The following WDR25 variants were observed in gnomAD, a reference collection of about 807,000 sequenced individuals.
The protein encoded by WDR25 is WD repeat-containing protein 25.
WDR25 carries 35 observed loss-of-function variants against 47.7 expected under a neutral mutation model. That is an observed-to-expected ratio of 0.73 (90% CI 0.56 to 0.97). The LOEUF is 0.97. WDR25 is among the 50% of genes least tolerant of loss of function. The pLI is 0.00. For missense variants in WDR25, 634 were observed against 704.7 expected, an observed-to-expected ratio of 0.90 and a Z score of 1.14; for synonymous variants, 248 against 278.9, an observed-to-expected ratio of 0.89 and a Z score of 1.10.
intron 2 of WDR25, among the ~76,000 whole-genome samples, chr14:100,454,055 A>G (rs879765241): frequency 1.3e-4 from 20 of 152,224 alleles, no homozygotes; most frequent in Non-Finnish European, 2.6e-4. Context: ...GTGTAAAATG[A>G]AAATGCTGCT....
chr14:100,475,151 G>A (rs559788401), intron 3 of WDR25, among the ~76,000 whole-genome samples: 2 of 152,336 alleles, frequency 1.3e-5, no homozygotes, highest in Admixed American at 1.3e-4. Context: ...AAGTATTGGT[G>A]AGGATGTGGA....
Position 100,381,505 on chromosome 14 carries a change from G to C in WDR25, c.581G>C (p.Gly194Ala), listed in dbSNP as rs577465168. 1.2e-6 allele frequency: 2 copies of C among 1,614,156 alleles called. No homozygotes were observed. Among genetic ancestry groups the C allele is most frequent in the East Asian group, 4.5e-5 (2 of 44,868 alleles). Residue 194 changes from glycine to alanine, a missense_variant, in exon 2 of 7, where the codon GGT becomes GCT. Gly to Ala is a moderately conservative substitution (Grantham distance 60, BLOSUM62 0). Transcript: ENST00000402312. ...GCATTAAGCACGGAGACAGGCAAGGGTAAAGACGTGGAGCCACAGGGGCCC... is the reference window on the plus strand; with the variant it reads ...GCATTAAGCACGGAGACAGGCAAGGCTAAAGACGTGGAGCCACAGGGGCCC... The part of the protein sequence containing the change: ...RQALSTETGK[G>A]KDVEPQGPPA...
intron 2 of WDR25, among the ~76,000 whole-genome samples, chr14:100,451,704 A>C (rs1260084330): frequency 6.6e-6 from 1 of 151,972 alleles, no homozygotes; most frequent in East Asian, 1.9e-4. Context: ...GTGGTGCCAG[A>C]GAGGTTCAGA....
chr14:100,485,669 C>T (rs1438048877), intron 4 of WDR25, among the ~76,000 whole-genome samples: 2 of 152,160 alleles, frequency 1.3e-5, no homozygotes, highest in African/African-American at 4.8e-5. Flanking sequence ...ACAGGTGCAG[C>T]GTCCAAGCAG....
intron 2 of WDR25, among the ~76,000 whole-genome samples, chr14:100,422,909 A>G (rs2140215901): frequency 6.6e-6 from 1 of 152,308 alleles, no homozygotes; most frequent in African/African-American, 2.4e-5. Context: ...TTTTTGGCTT[A>G]TGATGTCAAT....
At position 100,472,617 on chromosome 14, in the gene WDR25, C is replaced by T. The variant is rs139597634; in HGVS notation, c.970+4449C>T. Among the ~76,000 whole-genome samples, 69 of 152,354 alleles carry T rather than the reference C, an allele frequency of 4.5e-4. 1 individual carries two copies. The East Asian group carries it at 9.1e-3, about 20-fold the overall frequency. ...CATTTCCCCACATGGGGCCACTTTT[C>T]GATCATCATCCAGAGGCCCCTGCTG... On this transcript the variant is annotated intron_variant, in intron 3 of 6. Transcript: ENST00000402312.
chr14:100,381,660 A>G lies in WDR25; in HGVS notation c.736A>G (p.Arg246Gly). The part of the protein sequence containing the change: ...RKVLFHLRGH[R>G]GPVNTIQWCP... ...AGTGCTTTTCCACCTGAGAGGCCACAGGGGCCCTGTCAACACCATTCAGTG... is the reference window on the plus strand; with the variant it reads ...AGTGCTTTTCCACCTGAGAGGCCACGGGGGCCCTGTCAACACCATTCAGTG... Residue 246 changes from arginine to glycine, a missense_variant, in exon 2 of 7, where the codon AGG becomes GGG. Arg to Gly is a moderately radical substitution (Grantham distance 125). Transcript: ENST00000402312. The G allele has an allele frequency of 6.2e-7, 1 of 1,614,230 alleles. No homozygotes were observed. The highest frequency in any genetic ancestry group is 8.5e-7 in the Non-Finnish European group (1 of 1,180,048).
Position 100,500,751 on chromosome 14 carries a change from C to T in WDR25, c.1101+16627C>T, listed in dbSNP as rs574136685. 1.0e-3 allele frequency among the ~76,000 whole-genome samples: 153 copies of T among 152,046 alleles called. 1 individual carries two copies. The highest frequency in any genetic ancestry group is 1.5e-3 in the Non-Finnish European group (105 of 67,936). On this transcript the variant is annotated intron_variant, in intron 4 of 6. Coordinates refer to ENST00000402312, the MANE Select transcript of WDR25 (RefSeq NM_001161476.3). This position sits in a 1 kb window ranked among gnomAD's most constrained non-coding sequence, Gnocchi z 4.7. The stretch of plus-strand genomic sequence containing the variant: ...GAGGAGGCAGCTGCAGGTGGTACTG[C>T]GAGGCAGGGGCCTGGGCTTTTCAGA...
At position 100,424,363 on chromosome 14, in the gene WDR25, A is replaced by G. The variant is rs1328640354; in HGVS notation, c.822+42617A>G. On this transcript the variant is annotated intron_variant, in intron 2 of 6. Coordinates refer to ENST00000402312, the MANE Select transcript of WDR25 (RefSeq NM_001161476.3). The surrounding 1 kb of genome is among the most constrained non-coding windows in gnomAD (Gnocchi z 4.2). The stretch of plus-strand genomic sequence containing the variant: ...AGCCTCACAGTTTGCATCCCGTGTA[A>G]ACAAACATCAGCACCTGTTATCCTA... Among the ~76,000 whole-genome samples the G allele has an allele frequency of 2.0e-5, 3 of 152,218 alleles. No homozygotes were observed. The East Asian group carries it at 5.8e-4, about 29-fold the overall frequency.
chr14:100,432,823 G>A (rs1300059454), intron 2 of WDR25, among the ~76,000 whole-genome samples: 2 of 152,200 alleles, frequency 1.3e-5, no homozygotes, highest in Non-Finnish European at 2.9e-5. Flanking sequence ...CAGTGTTGTG[G>A]TGGGAACACC....
At chr14:100,466,255 C>G (rs574081209) in intron 2 of WDR25, among the ~76,000 whole-genome samples, 6 of 152,170 alleles carry the variant, frequency 3.9e-5, no homozygotes, top group Non-Finnish European at 7.3e-5. Context: ...ACTGAGCTCT[C>G]TTCACATTTT....
At position 100,424,571 on chromosome 14, in the gene WDR25, C is replaced by T. The variant is rs1033328775; in HGVS notation, c.822+42825C>T. Reference sequence around the variant, plus strand: ...TGTGCTCAGCCAAGGGGTTTAACTGCCTGTGGAGTCTGGGGCCCAGGGCCC... The same window carrying T: ...TGTGCTCAGCCAAGGGGTTTAACTGTCTGTGGAGTCTGGGGCCCAGGGCCC... On this transcript the variant is annotated intron_variant, in intron 2 of 6. Transcript: ENST00000402312. This position sits in a 1 kb window ranked among gnomAD's most constrained non-coding sequence, Gnocchi z 4.2. Among the ~76,000 whole-genome samples, 5 of 152,300 alleles carry T rather than the reference C, an allele frequency of 3.3e-5. No homozygotes were observed. The highest frequency in any genetic ancestry group is 7.4e-5 in the Non-Finnish European group (5 of 68,026).
At chr14:100,415,488 G>A (rs189029967) in intron 2 of WDR25, among the ~76,000 whole-genome samples, 21 of 152,294 alleles carry the variant, frequency 1.4e-4, no homozygotes, top group African/African-American at 4.3e-4. Flanking sequence ...GTCTTTTCAA[G>A]GATGTTTGAA....
Position 100,505,898 on chromosome 14 carries a change from T to G in WDR25, c.1102-19972T>G, listed in dbSNP as rs945062753. Reference sequence around the variant, plus strand: ...ATTAGTATATAGAAATACTATTAACTTTCTTTTTAAAAAAATAATTTCAAC... The same window carrying G: ...ATTAGTATATAGAAATACTATTAACGTTCTTTTTAAAAAAATAATTTCAAC... On this transcript the variant is annotated intron_variant, in intron 4 of 6. Coordinates refer to ENST00000402312, the MANE Select transcript of WDR25 (RefSeq NM_001161476.3). Among the ~76,000 whole-genome samples, 8 of 152,346 alleles carry G rather than the reference T, an allele frequency of 5.3e-5. No homozygotes were observed. The East Asian group carries it at 1.5e-3, about 29-fold the overall frequency.
At chr14:100,461,516 G>C (rs886418371) in intron 2 of WDR25, among the ~76,000 whole-genome samples, 1 of 152,212 alleles carries the variant, frequency 6.6e-6, no homozygotes, top group Admixed American at 6.5e-5. Context: ...GAGACATCCT[G>C]TTCATGGATT....
intron 2 of WDR25, among the ~76,000 whole-genome samples, chr14:100,460,834 C>G (rs1031930320): frequency 1.3e-5 from 2 of 152,038 alleles, no homozygotes; most frequent in African/African-American, 4.8e-5. Flanking sequence ...CTGGAGATTG[C>G]CAGTGTGATA....
chr14:100,510,508 GGC>G (rs1440881281), intron 4 of WDR25, among the ~76,000 whole-genome samples: 16 of 151,828 alleles, frequency 1.1e-4, no homozygotes, highest in African/African-American at 3.9e-4. Context: ...GGTCAAGGTG[GGC>G]GGATCACCTG....
At chr14:100,409,222 C>T (rs773125220) in intron 2 of WDR25, among the ~76,000 whole-genome samples, 4 of 152,210 alleles carry the variant, frequency 2.6e-5, no homozygotes, top group East Asian at 1.9e-4. Flanking sequence ...CCCAGTGATC[C>T]GGCTCCAGCC....
intron 2 of WDR25, among the ~76,000 whole-genome samples, chr14:100,420,611 A>T (rs1897999427): frequency 6.6e-6 from 1 of 152,260 alleles, no homozygotes; most frequent in African/African-American, 2.4e-5. Flanking sequence ...AAGACTAAGA[A>T]TAACTTTTTA....
Sources: gnomAD v4.1 joint callset for allele counts (sites outside exome capture counted in the v4.1 genomes callset) on GRCh38, gnomAD v4.1.1 for gene constraint, Gnocchi (gnomAD v3.1) non-coding constraint, MANE v1.5 for transcripts, NCBI Gene and HGNC (gene_info 2026-07-23, HGNC 2026-07-21) for gene names.